TRPM3: variants seen among roughly 807,000 people sequenced by gnomAD.
TRPM3 encodes transient receptor potential cation channel subfamily M member 3.
A neutral mutation model predicts 181.2 loss-of-function variants in TRPM3; 77 were observed. The observed-to-expected ratio is 0.42, with a 90% CI of 0.35 to 0.51. The LOEUF (loss-of-function observed/expected upper bound fraction) is 0.51, where lower values mean the gene tolerates loss of function less well. Among genes scored for constraint, TRPM3 ranks in the 20% least tolerant of loss-of-function variants. The pLI is 0.01. For synonymous variants in TRPM3, 745 were observed against 796.4 expected (o/e 0.94, Z 1.09); for missense variants, 1,759 against 2,196.7 (o/e 0.80, Z 3.98).
At chr9:70,861,028 C>T (rs556538165) in intron 3 of TRPM3, among the ~76,000 whole-genome samples, 2 of 152,234 alleles carry the variant, frequency 1.3e-5, no homozygotes, top group South Asian at 2.1e-4. Flanking sequence ...CTACATTCTT[C>T]GCTTCTAACC....
At chr9:70,608,856 T>TATC (rs1178044392) in intron 19 of TRPM3, among the ~76,000 whole-genome samples, 12 of 152,180 alleles carry the variant, frequency 7.9e-5, no homozygotes, top group African/African-American at 2.6e-4. Flanking sequence ...AAATAAATAT[T>TATC]ATCTTGATAA....
chr9:70,817,177 ATT>A (rs2092765886), intron 6 of TRPM3, among the ~76,000 whole-genome samples: 1 of 152,200 alleles, frequency 6.6e-6, no homozygotes, highest in South Asian at 2.1e-4. Flanking sequence ...AAGACTACAT[ATT>A]TCTAATCACC....
At chr9:71,250,404 T>C (rs12379392) in intron 1 of TRPM3, among the ~76,000 whole-genome samples, 40,691 of 152,046 alleles carry the variant, frequency 0.27, 6,367 homozygotes, top group African/African-American at 0.43. Flanking sequence ...AAATTATTTT[T>C]GGACCATCTT....
intron 6 of TRPM3, among the ~76,000 whole-genome samples, chr9:70,787,763 C>CTTTTTTTTTTTTTTTTTTCTTTTTA (rs2084048655): frequency 1.5e-5 from 1 of 68,558 alleles, no homozygotes; most frequent in Non-Finnish European, 2.6e-5. Context: ...TTTTTGGATT[C>CTTTTTTTTTTTTTTTTTTCTTTTTA]TTTTTTTTTT....
At position 70,535,617 on chromosome 9, in the gene TRPM3, CG is replaced by C; in HGVS notation, c.*335del. The C allele has an allele frequency of 2.7e-6, 4 of 1,465,910 alleles. No homozygotes were observed. The highest frequency in any genetic ancestry group is 3.6e-6 in the Non-Finnish European group (4 of 1,115,494). The allele number at this position is 1,465,910 out of a possible 1,614,324, so 90.8% of individuals were successfully genotyped here. On this transcript the variant is annotated 3_prime_UTR_variant, in exon 26 of 26. Coordinates refer to ENST00000677713, the MANE Select transcript of TRPM3 (RefSeq NM_001366145.2). Reference sequence around the variant, plus strand: ...TCAACAGATGCCTCCTGGCATGGAGCGTGCTCGAAGCCCCTTGTTTCCCCTG... The same window carrying C: ...TCAACAGATGCCTCCTGGCATGGAGCTGCTCGAAGCCCCTTGTTTCCCCTG...
At chr9:70,948,000 T>C (rs1363472889) in intron 1 of TRPM3, among the ~76,000 whole-genome samples, 1 of 152,150 alleles carries the variant, frequency 6.6e-6, no homozygotes, top group Admixed American at 6.5e-5. Flanking sequence ...TTTCTGTTAT[T>C]TATGAGAGTG....
At chr9:71,204,514 T>C (rs918579269) in intron 1 of TRPM3, among the ~76,000 whole-genome samples, 74 of 152,206 alleles carry the variant, frequency 4.9e-4, no homozygotes, top group African/African-American at 1.3e-3. Context: ...CACAATGAGA[T>C]ACCATCTCAC....
At chr9:70,545,392 G>A (rs2044567640) in intron 25 of TRPM3, among the ~76,000 whole-genome samples, 1 of 152,156 alleles carries the variant, frequency 6.6e-6, no homozygotes, top group African/African-American at 2.4e-5. Context: ...CTGAGAAAGT[G>A]AGCAGGGTAG....
chr9:70,746,007 T>G (rs1323873370), intron 8 of TRPM3, among the ~76,000 whole-genome samples: 1 of 152,152 alleles, frequency 6.6e-6, no homozygotes, highest in East Asian at 1.9e-4. Flanking sequence ...AATTACTGAG[T>G]GCTTCCTAGG....
intron 1 of TRPM3, among the ~76,000 whole-genome samples, chr9:70,974,647 A>G (rs956827539): frequency 2.6e-5 from 4 of 151,764 alleles, no homozygotes; most frequent in Admixed American, 2.6e-4. Flanking sequence ...GAGAATCGCT[A>G]GAACCCAGGA....
intron 1 of TRPM3, among the ~76,000 whole-genome samples, chr9:71,060,217 C>T (rs1452562877): frequency 2.6e-5 from 4 of 152,036 alleles, no homozygotes; most frequent in Non-Finnish European, 4.4e-5. Flanking sequence ...CAGCTTTCTA[C>T]CATAACTGTG....
At chr9:71,222,553 A>G (rs146814626) in intron 1 of TRPM3, among the ~76,000 whole-genome samples, 278 of 152,230 alleles carry the variant, frequency 1.8e-3, no homozygotes, top group Non-Finnish European at 2.8e-3. Flanking sequence ...CTGCAGGAAT[A>G]CCAAATTTAA....
chr9:71,202,411 G>GT (rs1236348793), intron 1 of TRPM3, among the ~76,000 whole-genome samples: 1 of 152,214 alleles, frequency 6.6e-6, no homozygotes, highest in African/African-American at 2.4e-5. Context: ...CTGTCTTTTT[G>GT]TTTGTCTCTA....
intron 1 of TRPM3, among the ~76,000 whole-genome samples, chr9:71,313,496 T>C (rs549402531): frequency 6.6e-5 from 10 of 152,300 alleles, no homozygotes; most frequent in South Asian, 6.2e-4. Context: ...ATCTAACTTA[T>C]GTGTCCAAAA....
At chr9:70,656,875 G>C (rs181776557) in intron 9 of TRPM3, among the ~76,000 whole-genome samples, 193 of 151,210 alleles carry the variant, frequency 1.3e-3, no homozygotes, top group African/African-American at 4.5e-3. Context: ...TATAAAACAA[G>C]GTAAAATGAA....
chr9:71,186,216 T>C (rs1007118893), intron 1 of TRPM3, among the ~76,000 whole-genome samples: 8 of 151,990 alleles, frequency 5.3e-5, no homozygotes, highest in Non-Finnish European at 1.0e-4. Flanking sequence ...CTTAATTATA[T>C]TTGCAATTAC....
intron 1 of TRPM3, among the ~76,000 whole-genome samples, chr9:70,941,293 C>CT (rs978694498): frequency 2.6e-5 from 4 of 152,152 alleles, no homozygotes; most frequent in Non-Finnish European, 5.9e-5. Flanking sequence ...TAGCCTTCAT[C>CT]TTTTTTTCAT....
At position 70,530,221 on chromosome 9, in the gene TRPM3, A is replaced by C. The variant is rs2040699501; in HGVS notation, c.*5732T>G. On this transcript the variant is annotated 3_prime_UTR_variant, in exon 26 of 26. Coordinates refer to ENST00000677713, the MANE Select transcript of TRPM3 (RefSeq NM_001366145.2). ...TCAGCTTACTGTGCGAGGGTCAACA[A>C]GGTATAAAGGTAATGTGGGCAAGGG... The C allele has an allele frequency of 6.6e-6, 1 of 152,246 alleles. No individual in the cohort carries two copies. Among genetic ancestry groups the C allele is most frequent in the South Asian group, 2.1e-4 (1 of 4,828 alleles). The allele number at this position is 152,246 out of a possible 1,614,324, so 9.4% of individuals were successfully genotyped here.
At chr9:70,756,171 CA>C (rs1291509359) in intron 8 of TRPM3, among the ~76,000 whole-genome samples, 1 of 150,796 alleles carries the variant, frequency 6.6e-6, no homozygotes, top group Admixed American at 6.6e-5. Context: ...ACAAAAAAAA[CA>C]AAAAAGCAGG....
Sources: allele counts gnomAD v4.1 joint callset (sites outside exome capture counted in the v4.1 genomes callset), GRCh38; gene constraint gnomAD v4.1.1; transcripts MANE v1.5; gene names NCBI Gene and HGNC (gene_info 2026-07-23, HGNC 2026-07-21).